Variants in FBXL17 observed in about 807,000 individuals in gnomAD.
The protein encoded by FBXL17 is F-box and leucine rich repeat protein 17.
FBXL17 carries 22 observed loss-of-function variants against 66.2 expected under a neutral mutation model. That is an observed-to-expected ratio of 0.33 (90% confidence interval 0.24 to 0.47). The LOEUF is 0.47. FBXL17 is among the 20% of genes least tolerant of loss of function. The pLI is 1.00. For synonymous variants in FBXL17, 474 were observed against 400.5 expected (o/e 1.18, Z -2.19); for missense variants, 878 against 948.2 (o/e 0.93, Z 0.97).
intron 8 of FBXL17, among the ~76,000 whole-genome samples, chr5:107,874,293 G>T (rs1404931526): frequency 2.6e-5 from 4 of 152,184 alleles, no homozygotes; most frequent in Non-Finnish European, 5.9e-5. Flanking sequence ...TTATGAACCT[G>T]TTGGACAGGT....
chr5:108,035,647 G>A (rs966887620), intron 6 of FBXL17, among the ~76,000 whole-genome samples: 3 of 152,200 alleles, frequency 2.0e-5, no homozygotes, highest in Non-Finnish European at 1.5e-5. Flanking sequence ...GATTACAGGC[G>A]TGAGCCACCA....
chr5:108,379,736 G>A (rs891571249), intron 1 of FBXL17, among the ~76,000 whole-genome samples: 5 of 152,146 alleles, frequency 3.3e-5, no homozygotes, highest in Admixed American at 2.0e-4. Context: ...AGAGAGAAAA[G>A]GAGGGAAAAA....
At chr5:107,960,101 G>A (rs552229276) in intron 7 of FBXL17, among the ~76,000 whole-genome samples, 2 of 152,154 alleles carry the variant, frequency 1.3e-5, no homozygotes, top group African/African-American at 4.8e-5. Flanking sequence ...TTGGTTCTCA[G>A]TTCCTTTTTA....
chr5:107,932,178 C>A (rs1231913234), intron 7 of FBXL17, among the ~76,000 whole-genome samples: 1 of 152,134 alleles, frequency 6.6e-6, no homozygotes, highest in Non-Finnish European at 1.5e-5. Context: ...TAGTACTTTG[C>A]ACATTACCTG....
intron 7 of FBXL17, among the ~76,000 whole-genome samples, chr5:107,970,098 G>A (rs1379759757): frequency 6.6e-6 from 1 of 152,088 alleles, no homozygotes; most frequent in Non-Finnish European, 1.5e-5. Context: ...TGTATCATCT[G>A]GTGTGTGTTA....
At chr5:108,095,806 T>G (rs1749347498) in intron 6 of FBXL17, among the ~76,000 whole-genome samples, 1 of 152,090 alleles carries the variant, frequency 6.6e-6, no homozygotes, top group Non-Finnish European at 1.5e-5. Flanking sequence ...TTCGATTGTT[T>G]GAAAAGAACT....
At chr5:108,337,341 C>A (rs962898288) in intron 4 of FBXL17, among the ~76,000 whole-genome samples, 3 of 151,720 alleles carry the variant, frequency 2.0e-5, no homozygotes, top group Admixed American at 2.0e-4. Context: ...CAGTTCCTTT[C>A]AGAAAATTTA....
chr5:108,024,932 T>C (rs945546452), intron 6 of FBXL17, among the ~76,000 whole-genome samples: 4 of 152,160 alleles, frequency 2.6e-5, no homozygotes, highest in South Asian at 2.1e-4. Context: ...TCATATGATT[T>C]ATGTGAAGGG....
chr5:108,186,563 A>G (rs1210025219), intron 5 of FBXL17, among the ~76,000 whole-genome samples: 1 of 152,038 alleles, frequency 6.6e-6, no homozygotes, highest in Non-Finnish European at 1.5e-5. Context: ...CGAGGTAAGG[A>G]GATCAAGACC....
At chr5:107,938,820 C>A (rs113428051) in intron 7 of FBXL17, among the ~76,000 whole-genome samples, 10 of 152,122 alleles carry the variant, frequency 6.6e-5, no homozygotes, top group African/African-American at 2.4e-4. Context: ...CTTCTTTATC[C>A]TTTGGTCTTA....
At chr5:107,909,560 A>G in intron 7 of FBXL17, among the ~76,000 whole-genome samples, 1 of 152,182 alleles carries the variant, frequency 6.6e-6, no homozygotes, top group East Asian at 1.9e-4. Context: ...TTGCCCCTAA[A>G]CTAAAATATT....
Position 108,364,303 on chromosome 5 carries a change from G to A in FBXL17, c.1374+435C>T, listed in dbSNP as rs370858380. Among the ~76,000 whole-genome samples the A allele has an allele frequency of 5.2e-4, 79 of 151,690 alleles. 2 individuals carry two copies. In the South Asian group the frequency reaches 0.016, roughly 32 times the overall value. On this transcript the variant is annotated intron_variant, in intron 3 of 8. Coordinates refer to ENST00000542267, the MANE Select transcript of FBXL17 (RefSeq NM_001163315.3). ...TATTGTACCAAATAGAGGTAATTAGGCCTTTGTTCTAACTTTTATAATCTT... is the reference window on the plus strand; with the variant it reads ...TATTGTACCAAATAGAGGTAATTAGACCTTTGTTCTAACTTTTATAATCTT...
At chr5:107,935,070 T>A (rs11745399) in intron 7 of FBXL17, among the ~76,000 whole-genome samples, 1 of 151,572 alleles carries the variant, frequency 6.6e-6, no homozygotes, top group South Asian at 2.1e-4. Flanking sequence ...TATCTTTTGT[T>A]TTTTTTTTGC....
In FBXL17 at chr5:108,381,011, A is replaced by ACCACCG. The variant is rs1554096830; in HGVS notation, c.680_681insCGGTGG (p.Gly230_Gly231dup). 1.8e-6 allele frequency: 2 copies of ACCACCG among 1,121,420 alleles called. No homozygotes were observed. Among genetic ancestry groups the ACCACCG allele is most frequent in the African/African-American group, 3.3e-5 (2 of 60,686 alleles). 69.5% of individuals were successfully genotyped at this position (1,121,420 alleles called of 1,614,324 possible). ...CTCCCCCCGCAGGCCCTCCCCCGCCACCGCCGCCGCCGCCGCCGCCGCAGC... is the reference window on the plus strand; with the variant it reads ...CTCCCCCCGCAGGCCCTCCCCCGCCACCACCGCCGCCGCCGCCGCCGCCGCCGCAGC... On this transcript the variant is annotated inframe_insertion, in exon 1 of 9. Coordinates refer to ENST00000542267, the MANE Select transcript of FBXL17 (RefSeq NM_001163315.3).
intron 6 of FBXL17, among the ~76,000 whole-genome samples, chr5:108,098,680 G>A (rs1161182984): frequency 2.7e-5 from 4 of 148,314 alleles, no homozygotes; most frequent in South Asian, 2.1e-4. Context: ...GGGAGGCGGC[G>A]CTTGCAATGA....
intron 4 of FBXL17, among the ~76,000 whole-genome samples, chr5:108,304,013 T>G (rs1441642930): frequency 6.6e-6 from 1 of 151,970 alleles, no homozygotes; most frequent in Non-Finnish European, 1.5e-5. Context: ...ATACAGCTTT[T>G]TACTGGGAGT....
At chr5:108,176,716 A>G (rs1170486027) in intron 6 of FBXL17, among the ~76,000 whole-genome samples, 2 of 152,148 alleles carry the variant, frequency 1.3e-5, no homozygotes, top group African/African-American at 2.4e-5. Flanking sequence ...TTACATAGTA[A>G]GTAGTATTTC....
chr5:108,204,933 C>G (rs1245973324), intron 5 of FBXL17, among the ~76,000 whole-genome samples: 3 of 151,726 alleles, frequency 2.0e-5, no homozygotes, highest in Non-Finnish European at 2.9e-5. Context: ...CTTTCAGAAA[C>G]AGGGTCACAT....
intron 1 of FBXL17, among the ~76,000 whole-genome samples, chr5:108,378,641 C>T (rs1749617775): frequency 6.6e-6 from 1 of 152,234 alleles, no homozygotes. Context: ...CCAACAGCAA[C>T]TCCAGTCAGA....
Sources: allele counts gnomAD v4.1 joint callset (sites outside exome capture counted in the v4.1 genomes callset), GRCh38; gene constraint gnomAD v4.1.1; transcripts MANE v1.5; gene names NCBI Gene and HGNC (gene_info 2026-07-23, HGNC 2026-07-21).